The following SYT1 variants were observed in gnomAD, a reference collection of about 807,000 sequenced individuals.
The protein encoded by SYT1 is synaptotagmin-1.
SYT1 carries 8 observed loss-of-function variants against 44.8 expected under a neutral mutation model. The observed-to-expected ratio is 0.18, with a 90% confidence interval of 0.10 to 0.32. The LOEUF (loss-of-function observed/expected upper bound fraction) is 0.32, where lower values mean the gene tolerates loss of function less well. Ranked by LOEUF, SYT1 falls within the 10% of genes least tolerant of loss-of-function variation. The pLI is 1.00. For missense variants in SYT1, 286 were observed against 509.3 expected (o/e 0.56, Z 4.22); for synonymous variants, 154 against 188.8 (o/e 0.82, Z 1.51).
chr12:79,026,689 A>ATATATATC, intron 2 of SYT1, among the ~76,000 whole-genome samples: 1 of 138,952 alleles, frequency 7.2e-6, no homozygotes, highest in South Asian at 2.3e-4. Flanking sequence ...ATATATATAT[A>ATATATATC]TATATATATA....
At chr12:79,029,983 T>A (rs539960205) in intron 2 of SYT1, among the ~76,000 whole-genome samples, 37 of 151,208 alleles carry the variant, frequency 2.4e-4, no homozygotes, top group African/African-American at 8.9e-4. Context: ...ATAAACTACA[T>A]GAAATTTTGT....
intron 1 of SYT1, among the ~76,000 whole-genome samples, chr12:78,940,069 C>T (rs927103482): frequency 6.6e-6 from 1 of 152,114 alleles, no homozygotes; most frequent in African/African-American, 2.4e-5. Flanking sequence ...CCATATAAAG[C>T]AGCATTTGCC....
At chr12:78,948,068 A>G (rs1392721246) in intron 1 of SYT1, among the ~76,000 whole-genome samples, 1 of 151,856 alleles carries the variant, frequency 6.6e-6, no homozygotes, top group Admixed American at 6.6e-5. Flanking sequence ...TACAAATATA[A>G]CAATGAAAGG....
chr12:79,067,819 T>G (rs745443951), intron 3 of SYT1, among the ~76,000 whole-genome samples: 9 of 152,208 alleles, frequency 5.9e-5, no homozygotes, highest in Non-Finnish European at 1.0e-4. Flanking sequence ...CATCCTCCCC[T>G]AGGATCAAGC....
chr12:79,114,520 A>C (rs973615461), intron 3 of SYT1, among the ~76,000 whole-genome samples: 17 of 151,598 alleles, frequency 1.1e-4, no homozygotes, highest in African/African-American at 3.9e-4. Flanking sequence ...CCAGAGTTGC[A>C]AAGGGTGACC....
intron 2 of SYT1, among the ~76,000 whole-genome samples, chr12:79,008,504 T>G (rs555519475): frequency 6.6e-6 from 1 of 152,248 alleles, no homozygotes; most frequent in Admixed American, 6.5e-5. Context: ...GGTAGCATAT[T>G]GACTATAGGG....
intron 4 of SYT1, among the ~76,000 whole-genome samples, chr12:79,236,928 T>C (rs901545983): frequency 6.6e-6 from 1 of 152,246 alleles, no homozygotes; most frequent in Non-Finnish European, 1.5e-5. Context: ...GGTTAGACTT[T>C]ATTTAATAGT....
chr12:78,933,171 A>G (rs1296618862), intron 1 of SYT1, among the ~76,000 whole-genome samples: 1 of 152,106 alleles, frequency 6.6e-6, no homozygotes, highest in Non-Finnish European at 1.5e-5. Context: ...TCTCTTTATC[A>G]TCTTGCTTTC....
intron 3 of SYT1, among the ~76,000 whole-genome samples, chr12:79,205,717 T>C (rs928180989): frequency 2.0e-5 from 3 of 152,198 alleles, no homozygotes; most frequent in African/African-American, 7.2e-5. Flanking sequence ...TTATTCTCAA[T>C]AATATAGGTC....
intron 1 of SYT1, among the ~76,000 whole-genome samples, chr12:78,914,272 C>T (rs945022909): frequency 2.0e-5 from 3 of 151,726 alleles, no homozygotes; most frequent in Non-Finnish European, 4.4e-5. Context: ...GAAACTATTT[C>T]TGTGAGTGGG....
At chr12:78,940,701 T>G (rs920031756) in intron 1 of SYT1, among the ~76,000 whole-genome samples, 24 of 152,244 alleles carry the variant, frequency 1.6e-4, no homozygotes, top group Non-Finnish European at 3.1e-4. Flanking sequence ...TTAAGTAAAA[T>G]TTAATGTGAC....
chr12:79,024,065 G>C (rs926734535), intron 2 of SYT1, among the ~76,000 whole-genome samples: 7 of 151,732 alleles, frequency 4.6e-5, no homozygotes, highest in Non-Finnish European at 7.4e-5. Context: ...CGGAGGGAGA[G>C]AACTGCTGTT....
intron 2 of SYT1, among the ~76,000 whole-genome samples, chr12:78,983,276 T>G (rs912287370): frequency 1.3e-5 from 2 of 152,062 alleles, no homozygotes; most frequent in African/African-American, 4.8e-5. Context: ...CCGGAGAAAT[T>G]TGATCCGTAT....
In SYT1 at chr12:79,217,791, A is replaced by T. The variant is rs888441532; in HGVS notation, c.166+106A>T. ...TTTGATATACTATAAATTTACATTTAATTTATTACTATGGGAATGATAGTA... is the reference window on the plus strand; with the variant it reads ...TTTGATATACTATAAATTTACATTTTATTTATTACTATGGGAATGATAGTA... On this transcript the variant is annotated intron_variant, in intron 4 of 10. Transcript: ENST00000261205. The T allele has an allele frequency of 1.4e-5, 12 of 859,904 alleles. No individual in the cohort carries two copies. In the African/African-American group the frequency reaches 2.1e-4, roughly 15 times the overall value. The allele number at this position is 859,904 out of a possible 1,614,324, so 53.3% of individuals were successfully genotyped here.
chr12:79,316,582 T>C (rs533633975), intron 8 of SYT1, among the ~76,000 whole-genome samples: 3 of 152,324 alleles, frequency 2.0e-5, no homozygotes, highest in Non-Finnish European at 2.9e-5. Context: ...TGTGTTGTGA[T>C]ACCTACTGTA....
At chr12:79,358,597 C>T (rs1050057947) in intron 9 of SYT1, among the ~76,000 whole-genome samples, 8 of 152,098 alleles carry the variant, frequency 5.3e-5, no homozygotes, top group African/African-American at 1.7e-4. Flanking sequence ...TCACTACTGA[C>T]ATTTGATCTC....
intron 3 of SYT1, among the ~76,000 whole-genome samples, chr12:79,123,844 C>CA (rs938228164): frequency 1.3e-5 from 2 of 150,542 alleles, no homozygotes; most frequent in African/African-American, 4.9e-5. Context: ...AGTAAATCAG[C>CA]AAAAAAGAAA....
At position 79,047,321 on chromosome 12, in the gene SYT1, A is replaced by C. The variant is rs915848302; in HGVS notation, c.-59A>C. The stretch of plus-strand genomic sequence containing the variant: ...GAAAAACAGAATAATTCTGAAAGAA[A>C]GAAAACAAAGAAAAACATACTCCAG... On this transcript the variant is annotated 5_prime_UTR_variant, in exon 3 of 11. Coordinates refer to ENST00000261205, the MANE Select transcript of SYT1 (RefSeq NM_005639.3). The C allele has an allele frequency of 4.6e-5, 7 of 151,892 alleles. No individual in the cohort carries two copies. The highest frequency in any genetic ancestry group is 1.7e-4 in the African/African-American group (7 of 41,442). The allele number at this position is 151,892 out of a possible 1,614,324, so 9.4% of individuals were successfully genotyped here.
chr12:79,326,961 G>C (rs542085491), intron 8 of SYT1, among the ~76,000 whole-genome samples: 1 of 152,222 alleles, frequency 6.6e-6, no homozygotes, highest in East Asian at 1.9e-4. Context: ...CAAATGGCTG[G>C]ACAAGCCCTT....
Sources: gnomAD v4.1 joint callset for allele counts (sites outside exome capture counted in the v4.1 genomes callset) on GRCh38, gnomAD v4.1.1 for gene constraint, MANE v1.5 for transcripts, NCBI Gene and HGNC (gene_info 2026-07-23, HGNC 2026-07-21) for gene names.